SHISA6: variants seen among roughly 807,000 people sequenced by gnomAD.
SHISA6 encodes the protein protein shisa-6.
In SHISA6, 22 loss-of-function variants were observed where a neutral mutation model predicts 47.9. That is an observed-to-expected ratio of 0.46 (90% CI 0.33 to 0.66). SHISA6 has a LOEUF of 0.66. SHISA6 is among the 30% of genes least tolerant of loss of function. The pLI is 0.02. For synonymous variants in SHISA6, 388 were observed against 337.8 expected, an observed-to-expected ratio of 1.15 and a Z score of -1.63; for missense variants, 680 against 764.6, an observed-to-expected ratio of 0.89 and a Z score of 1.30.
intron 1 of SHISA6, among the ~76,000 whole-genome samples, chr17:11,262,141 G>A (rs147190050): frequency 0.012 from 1,765 of 152,202 alleles, 34 homozygotes; most frequent in African/African-American, 0.04. Context: ...TTCATGTGGC[G>A]ATCCAGTCAG....
chr17:11,530,348 T>A (rs1162210553), intron 3 of SHISA6, among the ~76,000 whole-genome samples: 1 of 152,202 alleles, frequency 6.6e-6, no homozygotes, highest in African/African-American at 2.4e-5. Context: ...GAAGTGTGCA[T>A]TATTGACTTA....
At chr17:11,495,617 A>C (rs953290148) in intron 3 of SHISA6, among the ~76,000 whole-genome samples, 11 of 152,188 alleles carry the variant, frequency 7.2e-5, no homozygotes, top group African/African-American at 2.7e-4. Flanking sequence ...CTACCAGTCC[A>C]TCCCCTAGAT....
intron 3 of SHISA6, among the ~76,000 whole-genome samples, chr17:11,423,216 T>A (rs1914497574): frequency 1.8e-5 from 1 of 56,866 alleles, no homozygotes; most frequent in Non-Finnish European, 3.5e-5. Context: ...CATATATGTA[T>A]GTGTGTGTGT....
chr17:11,494,837 G>A (rs952103609), intron 3 of SHISA6, among the ~76,000 whole-genome samples: 1 of 152,092 alleles, frequency 6.6e-6, no homozygotes, highest in Admixed American at 6.5e-5. Context: ...GAATCGCCTG[G>A]GAAGCTTTTA....
intron 2 of SHISA6, among the ~76,000 whole-genome samples, chr17:11,330,007 G>T (rs1214181326): frequency 6.6e-6 from 1 of 150,664 alleles, no homozygotes; most frequent in Non-Finnish European, 1.5e-5. Flanking sequence ...AACAGAATAT[G>T]GCTTTCCATG....
chr17:11,372,234 G>GTC (rs1912651643), intron 2 of SHISA6, among the ~76,000 whole-genome samples: 1 of 152,158 alleles, frequency 6.6e-6, no homozygotes, highest in African/African-American at 2.4e-5. Flanking sequence ...ATCCTGCACT[G>GTC]TCTAGCCTGG....
At chr17:11,262,839 T>C (rs1449178675) in intron 1 of SHISA6, among the ~76,000 whole-genome samples, 1 of 152,254 alleles carries the variant, frequency 6.6e-6, no homozygotes, top group Non-Finnish European at 1.5e-5. Flanking sequence ...TCTTTTCATC[T>C]CTATGTCCTG....
chr17:11,481,921 A>T (rs1195950441), intron 3 of SHISA6, among the ~76,000 whole-genome samples: 1 of 152,196 alleles, frequency 6.6e-6, no homozygotes, highest in African/African-American at 2.4e-5. Flanking sequence ...AAAAAATGCC[A>T]TAAAAAAATA....
intron 3 of SHISA6, among the ~76,000 whole-genome samples, chr17:11,508,953 G>C (rs2142353051): frequency 1.1e-5 from 1 of 88,790 alleles, no homozygotes; most frequent in South Asian, 4.3e-4. Context: ...GAGACAGGGG[G>C]TCAGAGAAAC....
intron 2 of SHISA6, among the ~76,000 whole-genome samples, chr17:11,321,635 AC>A (rs1199518615): frequency 5.9e-5 from 9 of 152,188 alleles, no homozygotes; most frequent in South Asian, 2.1e-4. Context: ...GTTTCAATCT[AC>A]TATCTTGTTA....
chr17:11,372,754 T>C (rs1912669326), intron 2 of SHISA6, among the ~76,000 whole-genome samples: 1 of 152,092 alleles, frequency 6.6e-6, no homozygotes, highest in Non-Finnish European at 1.5e-5. Flanking sequence ...TTGTCTGTGG[T>C]ATATTTTTCC....
chr17:11,443,214 T>C (rs1915139468), intron 3 of SHISA6, among the ~76,000 whole-genome samples: 1 of 152,180 alleles, frequency 6.6e-6, no homozygotes, highest in African/African-American at 2.4e-5. Context: ...CGCAGCTGCC[T>C]GAGCTTTCAG....
At chr17:11,337,504 C>T (rs962998989) in intron 2 of SHISA6, among the ~76,000 whole-genome samples, 2 of 152,258 alleles carry the variant, frequency 1.3e-5, no homozygotes, top group East Asian at 1.9e-4. Flanking sequence ...ACACAGATAG[C>T]GGTGCAGGGG....
intron 3 of SHISA6, among the ~76,000 whole-genome samples, chr17:11,496,315 C>T (rs1303667730): frequency 6.6e-6 from 1 of 152,208 alleles, no homozygotes; most frequent in Non-Finnish European, 1.5e-5. Context: ...GACTTCAAAG[C>T]AAACTCTCCA....
At chr17:11,432,188 A>G (rs1385190190) in intron 3 of SHISA6, among the ~76,000 whole-genome samples, 1 of 152,216 alleles carries the variant, frequency 6.6e-6, no homozygotes, top group Non-Finnish European at 1.5e-5. Context: ...GGAAGCCACA[A>G]GGATTAAAAA....
intron 2 of SHISA6, among the ~76,000 whole-genome samples, chr17:11,300,529 T>A (rs1291972926): frequency 2.0e-5 from 3 of 152,176 alleles, no homozygotes; most frequent in African/African-American, 7.2e-5. Flanking sequence ...TCAGTTTTGA[T>A]CTCTAAGTTT....
intron 2 of SHISA6, among the ~76,000 whole-genome samples, chr17:11,291,872 C>G (rs1909557916): frequency 6.6e-6 from 1 of 152,044 alleles, no homozygotes; most frequent in Non-Finnish European, 1.5e-5. Flanking sequence ...TAGGGCCCAT[C>G]CGAGGTCCTC....
intron 2 of SHISA6, among the ~76,000 whole-genome samples, chr17:11,264,119 G>A (rs372642851): frequency 1.3e-5 from 2 of 152,068 alleles, no homozygotes; most frequent in Admixed American, 6.5e-5. Context: ...CTTGTCTTAC[G>A]GGTCAATATA....
At chr17:11,548,349 G>A (rs1463988401) in intron 3 of SHISA6, among the ~76,000 whole-genome samples, 1 of 152,060 alleles carries the variant, frequency 6.6e-6, no homozygotes, top group South Asian at 2.1e-4. Context: ...AAGATGGAAA[G>A]TTATTCACTT....
Sources: gnomAD v4.1 joint callset for allele counts (sites outside exome capture counted in the v4.1 genomes callset) on GRCh38, gnomAD v4.1.1 for gene constraint, MANE v1.5 for transcripts, NCBI Gene and HGNC (gene_info 2026-07-23, HGNC 2026-07-21) for gene names.